Variants in DNMT3A observed in about 807,000 individuals in gnomAD.
The protein encoded by DNMT3A is DNA (cytosine-5)-methyltransferase 3A.
In DNMT3A, 267 loss-of-function variants were observed where a neutral mutation model predicts 117.6. That is an observed-to-expected ratio of 2.27 (90% CI 2.05 to 2.51). DNMT3A has a LOEUF of 2.51. DNMT3A is among the 30% of genes most tolerant of loss of function. The pLI, the probability that DNMT3A is intolerant of heterozygous loss-of-function variation, is 0.00. For synonymous variants in DNMT3A, 432 were observed against 474.8 expected (o/e 0.91, Z 1.17); for missense variants, 1,029 against 1,260.2 (o/e 0.82, Z 2.78).
intron 3 of DNMT3A, among the ~76,000 whole-genome samples, chr2:25,287,737 C>CCA (rs2032422369): frequency 6.6e-6 from 1 of 151,740 alleles, no homozygotes; most frequent in Admixed American, 6.6e-5. Context: ...ACACCCCCGC[C>CCA]CCCAACAGAG....
chr2:25,256,731 T>C (rs1676170734), intron 6 of DNMT3A, among the ~76,000 whole-genome samples: 1 of 152,184 alleles, frequency 6.6e-6, no homozygotes, highest in African/African-American at 2.4e-5. Context: ...GTCCCTTATC[T>C]TCTACCCCAT....
chr2:25,253,636 G>A (rs992768735), intron 6 of DNMT3A, among the ~76,000 whole-genome samples: 1 of 152,188 alleles, frequency 6.6e-6, no homozygotes, highest in Non-Finnish European at 1.5e-5. Flanking sequence ...AAGAATAACC[G>A]CAGGTTTTCT....
Position 25,293,813 on chromosome 2 carries a change from C to T in DNMT3A, c.177+6326G>A, listed in dbSNP as rs1208543083. Among the ~76,000 whole-genome samples, 1 of 152,208 alleles carries T rather than the reference C, an allele frequency of 6.6e-6. No individual in the cohort carries two copies. Among genetic ancestry groups the T allele is most frequent in the Non-Finnish European group, 1.5e-5 (1 of 68,042 alleles). On this transcript the variant is annotated intron_variant, in intron 3 of 22. Coordinates refer to ENST00000321117, the MANE Select transcript of DNMT3A (RefSeq NM_022552.5). This position sits in a 1 kb window ranked among gnomAD's most constrained non-coding sequence, Gnocchi z 4.7. The stretch of plus-strand genomic sequence containing the variant: ...TCAGCCTCCTGGGCAGCTGGGACCA[C>T]AGGTATGTGCCACCACATTCGGCTT...
intron 6 of DNMT3A, among the ~76,000 whole-genome samples, chr2:25,272,368 A>G (rs1385240292): frequency 6.6e-6 from 1 of 152,238 alleles, no homozygotes; most frequent in South Asian, 2.1e-4. Context: ...GGAGTTGAGG[A>G]AAGAACCCTT....
At chr2:25,310,158 A>T (rs1346728353) in intron 2 of DNMT3A, among the ~76,000 whole-genome samples, 7 of 152,128 alleles carry the variant, frequency 4.6e-5, no homozygotes, top group Non-Finnish European at 8.8e-5. Context: ...AGGAAAGGGG[A>T]CAGAACTGAG....
At chr2:25,269,269 G>A (rs1305292104) in intron 6 of DNMT3A, among the ~76,000 whole-genome samples, 1 of 152,246 alleles carries the variant, frequency 6.6e-6, no homozygotes. Flanking sequence ...GGAGGTTGCA[G>A]TGAGCCAAGA....
rs1672814557 is a variant in DNMT3A, at chr2:25,230,239, G to T, written c.*4040C>A. On this transcript the variant is annotated 3_prime_UTR_variant, in exon 23 of 23. Coordinates refer to ENST00000321117, the MANE Select transcript of DNMT3A (RefSeq NM_022552.5). ...TGCAGACCCCTGCTAGTGCCCGCCTGCGGCCCCCCAGTCTGCCGGTGCACC... is the reference window on the plus strand; with the variant it reads ...TGCAGACCCCTGCTAGTGCCCGCCTTCGGCCCCCCAGTCTGCCGGTGCACC... 6.6e-6 allele frequency: 1 copy of T among 152,334 alleles called. No homozygotes were observed. Among genetic ancestry groups the T allele is most frequent in the African/African-American group, 2.4e-5 (1 of 41,472 alleles). The allele number at this position is 152,334 out of a possible 1,614,324, so 9.4% of individuals were successfully genotyped here.
intron 2 of DNMT3A, among the ~76,000 whole-genome samples, chr2:25,307,061 C>A (rs926428034): frequency 1.3e-5 from 2 of 152,222 alleles, no homozygotes; most frequent in African/African-American, 2.4e-5. Context: ...GGATGAGGAA[C>A]CTCTGACCAT....
intron 3 of DNMT3A, among the ~76,000 whole-genome samples, chr2:25,297,591 A>ACCTT: frequency 6.6e-6 from 1 of 150,906 alleles, no homozygotes; most frequent in South Asian, 2.1e-4. Context: ...GCTCACTGCA[A>ACCTT]CCTTCCCCTT....
chr2:25,258,280 C>G (rs4665785), intron 6 of DNMT3A, among the ~76,000 whole-genome samples: 110,964 of 152,212 alleles, frequency 0.73, 40,728 homozygotes, highest in Non-Finnish European at 0.76. Context: ...CCCCAAACCT[C>G]GGCCCTGCCC....
In DNMT3A at chr2:25,282,912, A is replaced by T. The variant is rs1338476645; in HGVS notation, c.178-201T>A. ...GGATTCCTGGGCTTGACCCCTTGAA[A>T]TCACGAGTCTGTGGACTCCAGCTTC... On this transcript the variant is annotated intron_variant, in intron 3 of 22. Transcript: ENST00000321117. This position sits in a 1 kb window ranked among gnomAD's most constrained non-coding sequence, Gnocchi z 5.2. Among the ~76,000 whole-genome samples the T allele has an allele frequency of 6.6e-6, 1 of 152,196 alleles. No homozygotes were observed. Among genetic ancestry groups the T allele is most frequent in the Non-Finnish European group, 1.5e-5 (1 of 68,034 alleles).
At position 25,246,294 on chromosome 2, in the gene DNMT3A, T is replaced by C. The variant is rs1304601320; in HGVS notation, c.1295A>G (p.Tyr432Cys). ...LEPPEEEKNPYKEVYTDMWVE... is the reference protein window; with the variant it reads ...LEPPEEEKNPCKEVYTDMWVE... The stretch of plus-strand genomic sequence containing the variant: ...CCACATGTCCGTGTACACTTCTTTG[T>C]AGGGATTCTTCTCTTCTGGAGGAGG... Residue 432 changes from tyrosine (Y) to cysteine (C), a missense_variant, in exon 11 of 23, where the codon TAC becomes TGC. Transcript: ENST00000321117. 3.1e-6 allele frequency: 5 copies of C among 1,609,112 alleles called. No homozygotes were observed. Among genetic ancestry groups the C allele is most frequent in the African/African-American group, 1.3e-5 (1 of 74,842 alleles).
At chr2:25,273,775 C>T (rs1453894843) in intron 6 of DNMT3A, among the ~76,000 whole-genome samples, 15 of 152,296 alleles carry the variant, frequency 9.8e-5, no homozygotes, top group African/African-American at 2.6e-4. Flanking sequence ...GGTTGTCCAA[C>T]GCCATGGGCA....
intron 12 of DNMT3A, 121 bp downstream of exon 12, chr2:25,245,899 A>C (rs1393245558): frequency 2.4e-6 from 3 of 1,231,028 alleles, no homozygotes; most frequent in Middle Eastern, 2.7e-4. Flanking sequence ...AGCACGGTGA[A>C]GGTGGTGTGA....
Position 25,228,200 on chromosome 2 carries a change from TAAAAAAAAAAAAAAAAAAAAAAAAAAA to T in DNMT3A, c.*6052_*6078del, listed in dbSNP as rs58128643. 4.4e-3 allele frequency: 11 copies of T among 2,502 alleles called. No individual in the cohort carries two copies. The highest frequency in any genetic ancestry group is 9.3e-3 in the East Asian group (1 of 108). The allele number at this position is 2,502 out of a possible 1,614,324, so 0.2% of individuals were successfully genotyped here. On this transcript the variant is annotated 3_prime_UTR_variant, in exon 23 of 23. Transcript: ENST00000321117. ...TTGTCAATAAATAGAGAAGCAACCCTAAAAAAAAAAAAAAAAAAAAAAAAAAAAAAAAAAAAAAAAAAAAAAAAAAAA... is the reference window on the plus strand; with the variant it reads ...TTGTCAATAAATAGAGAAGCAACCCTAAAAAAAAAAAAAAAAAAAAAAAAA...
rs1283878084 is a variant in DNMT3A at position 25,304,130 on chromosome 2, G to A, written c.73-3887C>T. On this transcript the variant is annotated intron_variant, in intron 2 of 22. Coordinates refer to ENST00000321117, the MANE Select transcript of DNMT3A (RefSeq NM_022552.5). The surrounding 1 kb of genome is among the most constrained non-coding windows in gnomAD (Gnocchi z 4.3). ...TTGGTTTCCTCATCTGTCAAGCCAG[G>A]GGACTGAATTCGTCCACACTTCCAG... Among the ~76,000 whole-genome samples, 2 of 152,140 alleles carry A rather than the reference G, an allele frequency of 1.3e-5. No individual in the cohort carries two copies. Among genetic ancestry groups the A allele is most frequent in the East Asian group, 3.9e-4 (2 of 5,194 alleles).
chr2:25,316,423 G>C (rs1479092934), intron 1 of DNMT3A, among the ~76,000 whole-genome samples: 2 of 152,232 alleles, frequency 1.3e-5, no homozygotes, highest in Non-Finnish European at 2.9e-5. Flanking sequence ...AAATGCAGCT[G>C]ACCTGGGTCA....
chr2:25,316,670 G>C (rs1306363158), intron 1 of DNMT3A, among the ~76,000 whole-genome samples: 4 of 152,176 alleles, frequency 2.6e-5, no homozygotes, highest in Non-Finnish European at 4.4e-5. Flanking sequence ...TGGGCCCACA[G>C]TCCCAACACA....
In DNMT3A at chr2:25,306,246, C is replaced by A. The variant is rs147480385; in HGVS notation, c.73-6003G>T. ...GCCAACCTGCAGAGGCTGATCCCAG[C>A]GTGAGGGGTCAGGCAGTGGGCTGGG... is the stretch of plus-strand genomic sequence containing the variant. On this transcript the variant is annotated intron_variant, in intron 2 of 22. Coordinates refer to ENST00000321117, the MANE Select transcript of DNMT3A (RefSeq NM_022552.5). The surrounding 1 kb of genome is among the most constrained non-coding windows in gnomAD (Gnocchi z 4.1). Among the ~76,000 whole-genome samples the A allele has an allele frequency of 7.2e-5, 11 of 152,320 alleles. No homozygotes were observed. The highest frequency in any genetic ancestry group is 7.2e-4 in the Admixed American group (11 of 15,302).
Sources: allele counts gnomAD v4.1 joint callset (sites outside exome capture counted in the v4.1 genomes callset), GRCh38; gene constraint gnomAD v4.1.1; non-coding constraint Gnocchi (gnomAD v3.1); transcripts MANE v1.5; gene names NCBI Gene and HGNC (gene_info 2026-07-23, HGNC 2026-07-21).